Variants in PSMA1 observed in about 807,000 individuals in gnomAD.
PSMA1 encodes the protein proteasome 20S subunit alpha 1.
Under a neutral mutation model 38.4 loss-of-function variants are expected in PSMA1, and 3 were observed. The observed-to-expected ratio is 0.08, with a 90% confidence interval of 0.04 to 0.20. PSMA1 has a LOEUF of 0.20. Among genes scored for constraint, PSMA1 ranks in the 10% least tolerant of loss-of-function variants. The probability of loss-of-function intolerance (pLI) is 1.00; values close to 1 mark genes in which losing one functional copy is unlikely to be tolerated. For missense variants in PSMA1, 227 were observed against 325.3 expected (o/e 0.70, Z 2.32); for synonymous variants, 101 against 107.1 (o/e 0.94, Z 0.35).
At chr11:14,537,431 C>T (rs1851721570) in intron 2 of PSMA1, among the ~76,000 whole-genome samples, 1 of 152,016 alleles carries the variant, frequency 6.6e-6, no homozygotes, top group Non-Finnish European at 1.5e-5. Flanking sequence ...AAATCAAACG[C>T]ATACTGCAAT....
rs2134177314 is a variant in PSMA1, at chr11:14,569,839, C to T, written c.21+41127G>A. Among the ~76,000 whole-genome samples, 2 of 152,340 alleles carry T rather than the reference C, an allele frequency of 1.3e-5. 1 individual carries two copies. The highest frequency in any genetic ancestry group is 4.1e-4 in the South Asian group (2 of 4,824). On this transcript the variant is annotated intron_variant, in intron 2 of 10. Transcript: ENST00000418988. ...CTTCTGCAGACTTAAACATCCCTGT[C>T]TGACAGCTTTGAAGAGAGTAGTGGT...
intron 2 of PSMA1, among the ~76,000 whole-genome samples, chr11:14,570,118 C>T (rs1401286760): frequency 6.6e-6 from 1 of 152,194 alleles, no homozygotes; most frequent in Non-Finnish European, 1.5e-5. Flanking sequence ...GGACCTCCAG[C>T]AAACTCCAAC....
At chr11:14,544,009 A>C (rs1851799385) in intron 2 of PSMA1, among the ~76,000 whole-genome samples, 1 of 152,208 alleles carries the variant, frequency 6.6e-6, no homozygotes, top group Non-Finnish European at 1.5e-5. Flanking sequence ...AAGCAACAAA[A>C]GAAAATATAA....
intron 2 of PSMA1, among the ~76,000 whole-genome samples, chr11:14,556,358 A>G (rs2134170997): frequency 6.6e-6 from 1 of 152,034 alleles, no homozygotes; most frequent in East Asian, 1.9e-4. Flanking sequence ...CTAACTTTCC[A>G]TGTTGCTGTT....
intron 2 of PSMA1, among the ~76,000 whole-genome samples, chr11:14,604,399 T>A (rs1433035169): frequency 1.3e-5 from 2 of 152,160 alleles, no homozygotes; most frequent in African/African-American, 4.8e-5. Context: ...CTGTAGAATA[T>A]ATGTGACATC....
chr11:14,555,972 G>A (rs995337770), intron 2 of PSMA1, among the ~76,000 whole-genome samples: 2 of 152,110 alleles, frequency 1.3e-5, no homozygotes, highest in Non-Finnish European at 2.9e-5. Context: ...TTTTCTCACT[G>A]ACTTCTCTTC....
chr11:14,561,809 T>TTAAACTAAACTAAAC lies in PSMA1; in HGVS notation c.22-42783_22-42769dup, dbSNP rs71044010. On this transcript the variant is annotated intron_variant, in intron 2 of 10. Coordinates refer to the PSMA1 transcript ENST00000418988. Reference sequence around the variant, plus strand: ...TAGTCCTAAACTAAACTAAACTAAATTAAACTAAACTAAACTAAACTAAAC... The same window carrying TTAAACTAAACTAAAC: ...TAGTCCTAAACTAAACTAAACTAAATTAAACTAAACTAAACTAAACTAAACTAAACTAAACTAAAC... 4.0e-3 allele frequency among the ~76,000 whole-genome samples: 596 copies of TTAAACTAAACTAAAC among 147,928 alleles called. 3 individuals carry two copies. The highest frequency in any genetic ancestry group is 7.4e-3 in the African/African-American group (293 of 39,760).
intron 2 of PSMA1, among the ~76,000 whole-genome samples, chr11:14,590,082 T>G (rs1852392861): frequency 6.6e-6 from 1 of 152,162 alleles, no homozygotes; most frequent in Admixed American, 6.5e-5. Context: ...ACAAATGAAA[T>G]AAGCCAGGCA....
intron 2 of PSMA1, among the ~76,000 whole-genome samples, chr11:14,530,766 G>A (rs1851638492): frequency 6.6e-6 from 1 of 152,052 alleles, no homozygotes; most frequent in Non-Finnish European, 1.5e-5. Flanking sequence ...GCCAGGTGCG[G>A]TGGTGCACGC....
intron 2 of PSMA1, among the ~76,000 whole-genome samples, chr11:14,595,117 G>C (rs1286432845): frequency 1.3e-5 from 2 of 152,110 alleles, no homozygotes; most frequent in Non-Finnish European, 2.9e-5. Flanking sequence ...AGTATTCCAT[G>C]GTGTATATGT....
At chr11:14,530,901 C>CAA (rs10670662) in intron 2 of PSMA1, among the ~76,000 whole-genome samples, 68,992 of 107,424 alleles carry the variant, frequency 0.64, 20,884 homozygotes, top group East Asian at 0.72. Context: ...GACTCCGTCT[C>CAA]AAAAAAAAAA....
intron 1 of PSMA1, among the ~76,000 whole-genome samples, chr11:14,620,583 T>C (rs1565060116): frequency 6.6e-6 from 1 of 152,226 alleles, no homozygotes; most frequent in Non-Finnish European, 1.5e-5. Flanking sequence ...AGTGATTCTA[T>C]TCTGGAAGGC....
chr11:14,532,816 A>G (rs956365241), intron 2 of PSMA1, among the ~76,000 whole-genome samples: 5 of 148,240 alleles, frequency 3.4e-5, no homozygotes, highest in Admixed American at 1.3e-4. Context: ...TGCTTGAACC[A>G]AGGAGGTGGA....
intron 1 of PSMA1, among the ~76,000 whole-genome samples, chr11:14,637,704 T>C (rs536999090): frequency 6.6e-6 from 1 of 152,198 alleles, no homozygotes; most frequent in Non-Finnish European, 1.5e-5. Context: ...ATATTATGTA[T>C]GCATTCCTTA....
At chr11:14,600,167 T>G (rs942773519) in intron 2 of PSMA1, among the ~76,000 whole-genome samples, 35 of 152,172 alleles carry the variant, frequency 2.3e-4, no homozygotes, top group South Asian at 8.3e-4. Context: ...TGGCCACTAC[T>G]GGGAGGTGTC....
intron 2 of PSMA1, among the ~76,000 whole-genome samples, chr11:14,559,931 A>G (rs1283414892): frequency 6.6e-6 from 1 of 152,170 alleles, no homozygotes; most frequent in East Asian, 1.9e-4. Context: ...GTTAAACTGC[A>G]GTAGGGTCAC....
rs1851683242 is a variant in PSMA1 at position 14,534,692 on chromosome 11, G to T, written c.22-15651C>A. Among the ~76,000 whole-genome samples the T allele has an allele frequency of 6.6e-6, 1 of 152,058 alleles. No individual in the cohort carries two copies. Among genetic ancestry groups the T allele is most frequent in the Non-Finnish European group, 1.5e-5 (1 of 68,020 alleles). ...TTCAATACTATCCATCTGGAGAAGG[G>T]AGAATATCCTGAGAATATATTTTCC... On this transcript the variant is annotated intron_variant, in intron 2 of 10. Coordinates refer to the PSMA1 transcript ENST00000418988. The surrounding 1 kb of genome is among the most constrained non-coding windows in gnomAD (Gnocchi z 4.5).
At chr11:14,620,080 G>A (rs1852823828) in intron 1 of PSMA1, among the ~76,000 whole-genome samples, 1 of 151,386 alleles carries the variant, frequency 6.6e-6, no homozygotes, top group African/African-American at 2.4e-5. Context: ...GTGTGTGTGT[G>A]TGTATGTGTA....
chr11:14,540,633 T>TA (rs1343470867), intron 2 of PSMA1, among the ~76,000 whole-genome samples: 2 of 152,170 alleles, frequency 1.3e-5, no homozygotes, highest in Admixed American at 1.3e-4. Flanking sequence ...ATTGTGAACG[T>TA]AAAAAAGGAA....
Sources: gnomAD v4.1 joint callset for allele counts (sites outside exome capture counted in the v4.1 genomes callset) on GRCh38, gnomAD v4.1.1 for gene constraint, Gnocchi (gnomAD v3.1) non-coding constraint, MANE v1.5 for transcripts, NCBI Gene and HGNC (gene_info 2026-07-23, HGNC 2026-07-21) for gene names.